MYLK4: variants seen among roughly 807,000 people sequenced by gnomAD.
The protein encoded by MYLK4 is myosin light chain kinase family member 4.
A neutral mutation model predicts 48.1 loss-of-function variants in MYLK4; 46 were observed. The ratio of observed to expected loss-of-function variants is 0.96; its 90% CI spans 0.75 to 1.22. The LOEUF (loss-of-function observed/expected upper bound fraction) is 1.22. Ranked by LOEUF, MYLK4 falls within the 50% of genes most tolerant of loss-of-function variation. MYLK4 has a pLI of 0.00. For missense variants in MYLK4, 451 were observed against 486.1 expected (o/e 0.93, Z 0.68); for synonymous variants, 170 against 180.8 (o/e 0.94, Z 0.48).
the MYLK4 span, among the ~76,000 whole-genome samples, chr6:2,763,379 A>G: frequency 0.29 from 43,985 of 152,182 alleles, 6,553 homozygotes; most frequent in East Asian, 0.41. Flanking sequence ...GGGTGCCGTG[A>G]GGCAGTAAGC....
At chr6:2,671,471 T>C in intron 11 of MYLK4, 123 bp from the exon 12 acceptor site, 1 of 882,912 alleles carries the variant, frequency 1.1e-6, no homozygotes, top group Non-Finnish European at 1.8e-6. Flanking sequence ...AGAGAAGTTC[T>C]TGAAGCCTAC....
rs537146634 is a variant in MYLK4, at chr6:2,671,495, C to T, written c.1120-147G>A. 1.7e-4 allele frequency: 117 copies of T among 700,758 alleles called. No individual in the cohort carries two copies. In the Middle Eastern group the frequency reaches 0.01, roughly 62 times the overall value. The allele number at this position is 700,758 out of a possible 1,614,324, so 43.4% of individuals were successfully genotyped here. A position where few individuals can be genotyped will look rare whatever the true frequency, so the allele number is the denominator to read the frequency against. ...CTTGAAGCCTACATTCCCGACAACC[C>T]CCTGGCAGACACACCGGCCAACCTC... On this transcript the variant is annotated intron_variant, in intron 11 of 12. Coordinates refer to ENST00000274643, the MANE Select transcript of MYLK4 (RefSeq NM_001012418.5).
At chr6:2,699,543 T>G (rs2875822) in intron 2 of MYLK4, among the ~76,000 whole-genome samples, 145,443 of 150,658 alleles carry the variant, frequency 0.97, 70,424 homozygotes, top group East Asian at 1. Context: ...GTGATCCACC[T>G]GCCTCGGCCT....
chr6:2,753,354 A>G (rs977361149), upstream of MYLK4, among the ~76,000 whole-genome samples: 1 of 152,218 alleles, frequency 6.6e-6, no homozygotes, highest in Non-Finnish European at 1.5e-5. Context: ...TGTTTCCAGA[A>G]CAAGACCTCT....
At chr6:2,699,486 A>G (rs1416058654) in intron 2 of MYLK4, among the ~76,000 whole-genome samples, 1 of 147,598 alleles carries the variant, frequency 6.8e-6, no homozygotes, top group East Asian at 2.0e-4. Flanking sequence ...TTTAGTAGAG[A>G]CAGGGTTTCA....
In MYLK4 at chr6:2,714,675, T is replaced by G. The variant is rs542077407; in HGVS notation, c.160-21816A>C. Among the ~76,000 whole-genome samples the G allele has an allele frequency of 1.9e-4, 29 of 152,338 alleles. No individual in the cohort carries two copies. In the East Asian group the frequency reaches 5.4e-3, roughly 28 times the overall value. ...TTTGTACACGTGTGTTCATAGCAGCTTACTCACAATAGCCAAATGGTGGAA... is the reference window on the plus strand; with the variant it reads ...TTTGTACACGTGTGTTCATAGCAGCGTACTCACAATAGCCAAATGGTGGAA... On this transcript the variant is annotated intron_variant, in intron 2 of 12. Transcript: ENST00000274643.
chr6:2,709,601 G>C (rs1438301863), intron 2 of MYLK4, among the ~76,000 whole-genome samples: 1 of 152,242 alleles, frequency 6.6e-6, no homozygotes, highest in Non-Finnish European at 1.5e-5. Context: ...AACGCTGTTT[G>C]CAATTCCATT....
chr6:2,762,876 G>C, the MYLK4 span, among the ~76,000 whole-genome samples: 1 of 152,136 alleles, frequency 6.6e-6, no homozygotes, highest in Non-Finnish European at 1.5e-5. Context: ...TGGGTTTGTG[G>C]TCTGACTGCC....
At chr6:2,720,051 C>G (rs1290297245) in intron 2 of MYLK4, among the ~76,000 whole-genome samples, 1 of 151,976 alleles carries the variant, frequency 6.6e-6, no homozygotes, top group Non-Finnish European at 1.5e-5. Flanking sequence ...TAAAGATTTC[C>G]CAGGTGATTC....
chr6:2,765,473 T>A, the MYLK4 span: 1 of 1,015,690 alleles, frequency 9.8e-7, no homozygotes, highest in Non-Finnish European at 1.3e-6. Flanking sequence ...ACGTGAGGCA[T>A]GAGCGGCGCC....
chr6:2,699,287 CTTTTTTTTT>C (rs56959282), intron 2 of MYLK4, among the ~76,000 whole-genome samples: 3 of 77,894 alleles, frequency 3.9e-5, no homozygotes, highest in African/African-American at 1.1e-4. Context: ...CTTTTCTTTT[CTTTTTTTTT>C]TTTTTTTTTT....
At chr6:2,726,170 C>T (rs1198695145) in intron 2 of MYLK4, among the ~76,000 whole-genome samples, 3 of 152,150 alleles carry the variant, frequency 2.0e-5, no homozygotes, top group Non-Finnish European at 2.9e-5. Flanking sequence ...TCTACATATC[C>T]AGTGTGTTTG....
At chr6:2,726,416 C>T (rs997245631) in intron 2 of MYLK4, among the ~76,000 whole-genome samples, 1 of 152,038 alleles carries the variant, frequency 6.6e-6, no homozygotes, top group Admixed American at 6.6e-5. Context: ...CAGATCTCAG[C>T]GTGCAGGGGC....
upstream of MYLK4, among the ~76,000 whole-genome samples, chr6:2,752,682 C>T (rs899891856): frequency 3.9e-5 from 6 of 151,956 alleles, no homozygotes; most frequent in African/African-American, 7.3e-5. Context: ...ACTGGAGTTC[C>T]GGGGAGGGGT....
chr6:2,766,412 C>G, the MYLK4 span: 3 of 1,600,080 alleles, frequency 1.9e-6, no homozygotes, highest in Middle Eastern at 1.7e-4. Context: ...AATCCCCTCG[C>G]TTATCCTGTG....
chr6:2,765,601 G>A, the MYLK4 span: 2 of 1,491,494 alleles, frequency 1.3e-6, no homozygotes, highest in African/African-American at 1.5e-5. Flanking sequence ...CGCGCCGGGC[G>A]CCGGGGAGGG....
intron 2 of MYLK4, among the ~76,000 whole-genome samples, chr6:2,719,849 T>G (rs143390689): frequency 7.2e-5 from 11 of 152,332 alleles, no homozygotes; most frequent in African/African-American, 2.2e-4. Flanking sequence ...TCAGAAAAAT[T>G]AGTCTGGGCT....
chr6:2,671,267 A>G lies in MYLK4; in HGVS notation c.*25+9T>C. 1 of 1,605,262 alleles carries G rather than the reference A, an allele frequency of 6.2e-7. No individual in the cohort carries two copies. The highest frequency in any genetic ancestry group is 8.5e-7 in the Non-Finnish European group (1 of 1,172,426). On this transcript the variant is annotated intron_variant, in intron 12 of 12. Transcript: ENST00000274643. ...TCACAGACACCTCTTCAGGAGACCC[A>G]AGACTAACCTTCCAAATGGCTGCCT...
At chr6:2,683,224 C>A in intron 6 of MYLK4, 62 bp from the exon 7 acceptor site, 1 of 1,590,962 alleles carries the variant, frequency 6.3e-7, no homozygotes, top group Middle Eastern at 1.7e-4. Flanking sequence ...GTGCTTTTCT[C>A]GTAGTGACTT....
Sources: gnomAD v4.1 joint callset for allele counts (sites outside exome capture counted in the v4.1 genomes callset) on GRCh38, gnomAD v4.1.1 for gene constraint, MANE v1.5 for transcripts, NCBI Gene and HGNC (gene_info 2026-07-23, HGNC 2026-07-21) for gene names.